The following MYH15 variants were observed in gnomAD, a reference collection of about 807,000 sequenced individuals.
The protein encoded by MYH15 is myosin heavy chain 15, also known as myosin-15.
MYH15 carries 227 observed loss-of-function variants against 240.5 expected under a neutral mutation model. That is an observed-to-expected ratio of 0.94 (90% CI 0.85 to 1.05). The LOEUF is 1.05. MYH15 is among the 50% of genes least tolerant of loss of function. The pLI, the probability that MYH15 is intolerant of heterozygous loss-of-function variation, is 0.00. For synonymous variants in MYH15, 785 were observed against 796.7 expected (o/e 0.99, Z 0.25); for missense variants, 2,217 against 2,247.5 (o/e 0.99, Z 0.27).
At chr3:108,393,989 A>AACTCTG (rs760117287) in intron 36 of MYH15, 42 bp downstream of exon 36, 2 of 1,612,210 alleles carry the variant, frequency 1.2e-6, no homozygotes, top group Non-Finnish European at 1.7e-6. Flanking sequence ...TGCGCCAGTG[A>AACTCTG]ACTCTGGGAG....
At chr3:108,482,781 C>T (rs150126930) in intron 11 of MYH15, among the ~76,000 whole-genome samples, 23 of 152,134 alleles carry the variant, frequency 1.5e-4, no homozygotes, top group African/African-American at 2.9e-4. Context: ...GAACTTGTTA[C>T]GTATTTATGT....
In MYH15 at chr3:108,441,150, C is replaced by T. The variant is rs1454837716; in HGVS notation, c.2766G>A (p.Glu922=). The T allele has an allele frequency of 6.2e-7, 1 of 1,614,124 alleles. No homozygotes were observed. The highest frequency in any genetic ancestry group is 1.1e-5 in the South Asian group (1 of 91,086). ...TGGCAGTCAGCTCAGAATTTATCTC[C>T]TCTTCTTCCTCCACCCTCTCCGACA... ...KELSERVEEE[E]EINSELTARG... The change falls in exon 23 of 41, where the codon GAG becomes GAA. Residue 922 remains glutamate, a synonymous_variant. Coordinates refer to ENST00000693548, the MANE Select transcript of MYH15 (RefSeq NM_014981.3).
intron 27 of MYH15, 130 bp from the exon 28 acceptor site, chr3:108,421,344 A>G: frequency 9.3e-7 from 1 of 1,072,234 alleles, no homozygotes; most frequent in Non-Finnish European, 1.3e-6. Context: ...CTCAGCCAGC[A>G]TTGGGAGATC....
At chr3:108,550,994 A>T in the MYH15 span, 1 of 369,350 alleles carries the variant, frequency 2.7e-6, no homozygotes, top group Non-Finnish European at 4.7e-6. Flanking sequence ...AAACTATCAA[A>T]TAAAAAACAT....
chr3:108,424,435 C>A (rs1376104299), intron 27 of MYH15, among the ~76,000 whole-genome samples: 1 of 152,172 alleles, frequency 6.6e-6, no homozygotes, highest in Non-Finnish European at 1.5e-5. Context: ...GTTGTACCCT[C>A]AAAAGAATTT....
intron 27 of MYH15, 34 bp from the exon 28 acceptor site, chr3:108,421,248 C>T (rs1373310399): frequency 6.2e-7 from 1 of 1,601,532 alleles, no homozygotes; most frequent in Non-Finnish European, 8.5e-7. Flanking sequence ...GGTCAGGGCT[C>T]ACAGAGGATA....
intron 11 of MYH15, 31 bp from the exon 12 acceptor site, chr3:108,476,546 A>G (rs770225179): frequency 2.1e-6 from 3 of 1,401,968 alleles, no homozygotes; most frequent in Non-Finnish European, 3.0e-6. Flanking sequence ...AAAAGGAAGG[A>G]GAGAGGAAAA....
chr3:108,439,509 G>T (rs886277031), intron 24 of MYH15, among the ~76,000 whole-genome samples: 2 of 152,148 alleles, frequency 1.3e-5, no homozygotes, highest in African/African-American at 4.8e-5. Context: ...ATTGCCCAGG[G>T]TTGAATGAAA....
At chr3:108,506,675 A>T (rs956700077) in intron 1 of MYH15, among the ~76,000 whole-genome samples, 7 of 152,174 alleles carry the variant, frequency 4.6e-5, no homozygotes, top group Admixed American at 2.0e-4. Flanking sequence ...TCTTGACCCC[A>T]GGAGTTCAAG....
rs766855672 is a variant in MYH15 at position 108,492,235 on chromosome 3, C to CA, written c.871+264_871+265insT. 4.7e-4 allele frequency among the ~76,000 whole-genome samples: 71 copies of CA among 151,382 alleles called. 1 individual carries two copies. Among genetic ancestry groups the CA allele is most frequent in the South Asian group, 1.5e-3 (7 of 4,784 alleles). ...ACACACACACACACACACTCACTCA[C>CA]CTCTGCTGGGCATCCTACCCATTTC... On this transcript the variant is annotated intron_variant, in intron 9 of 40. Transcript: ENST00000693548.
intron 12 of MYH15, among the ~76,000 whole-genome samples, chr3:108,471,077 A>AAGGGAGGG (rs2083171595): frequency 1.8e-5 from 2 of 111,394 alleles, no homozygotes; most frequent in African/African-American, 7.1e-5. Flanking sequence ...GGGAGGGAGG[A>AAGGGAGGG]AGGAAGGAAG....
intron 9 of MYH15, 78 bp from the exon 10 acceptor site, chr3:108,486,604 G>A (rs754670822): frequency 8.5e-6 from 8 of 939,254 alleles, no homozygotes; most frequent in Admixed American, 6.2e-5. Context: ...AATATTCGCA[G>A]TTTAGTCTAC....
intron 11 of MYH15, among the ~76,000 whole-genome samples, chr3:108,481,784 C>A (rs993519323): frequency 6.6e-6 from 1 of 152,108 alleles, no homozygotes; most frequent in African/African-American, 2.4e-5. Context: ...AACATAATTG[C>A]GGTTTTTGCT....
intron 29 of MYH15, 41 bp downstream of exon 29, chr3:108,416,770 AC>A: frequency 6.9e-7 from 1 of 1,451,540 alleles, no homozygotes; most frequent in Non-Finnish European, 9.5e-7. Flanking sequence ...AAAAAAAAAA[AC>A]ACACAGTCAA....
At chr3:108,519,109 T>C (rs2083597527) in intron 1 of MYH15, among the ~76,000 whole-genome samples, 1 of 152,176 alleles carries the variant, frequency 6.6e-6, no homozygotes, top group South Asian at 2.1e-4. Flanking sequence ...AGGAGGCTGA[T>C]GTTCTTGGTT....
intron 9 of MYH15, 54 bp downstream of exon 9, chr3:108,492,446 T>C (rs1167333876): frequency 1.9e-5 from 25 of 1,320,452 alleles, no homozygotes; most frequent in Non-Finnish European, 1.8e-5. Flanking sequence ...CCCCCAAATA[T>C]GACTTATTTT....
intron 17 of MYH15, 34 bp from the exon 18 acceptor site, chr3:108,459,483 T>C (rs1411224779): frequency 7.2e-7 from 1 of 1,390,182 alleles, no homozygotes; most frequent in Admixed American, 2.0e-5. Flanking sequence ...ACAAAATCAC[T>C]TTGCAAATCA....
chr3:108,416,954 A>G (rs1475767582), intron 28 of MYH15, 24 bp from the exon 29 acceptor site: 4 of 1,533,066 alleles, frequency 2.6e-6, no homozygotes, highest in Middle Eastern at 1.7e-4. Context: ...TCACAAAACT[A>G]CATAATTACA....
intron 22 of MYH15, among the ~76,000 whole-genome samples, chr3:108,442,492 C>T (rs2082892727): frequency 6.6e-6 from 1 of 152,122 alleles, no homozygotes; most frequent in African/African-American, 2.4e-5. Context: ...TTAGTTCACC[C>T]CAGGTTGACA....
Sources: allele counts gnomAD v4.1 joint callset (sites outside exome capture counted in the v4.1 genomes callset), GRCh38; gene constraint gnomAD v4.1.1; transcripts MANE v1.5; gene names NCBI Gene and HGNC (gene_info 2026-07-23, HGNC 2026-07-21).